SFMBT1: variants seen among roughly 807,000 people sequenced by gnomAD.
The protein encoded by SFMBT1 is scm-like with four MBT domains protein 1.
In SFMBT1, 32 loss-of-function variants were observed where a neutral mutation model predicts 108.7. That is an observed-to-expected ratio of 0.29 (90% CI 0.22 to 0.40). The LOEUF (loss-of-function observed/expected upper bound fraction) is 0.40. Ranked by LOEUF, SFMBT1 falls within the 10% of genes least tolerant of loss-of-function variation. SFMBT1 has a pLI of 1.00. For synonymous variants in SFMBT1, 348 were observed against 369.5 expected (o/e 0.94, Z 0.67); for missense variants, 816 against 1,059.6 (o/e 0.77, Z 3.19).
intron 14 of SFMBT1, 110 bp from the exon 15 acceptor site, chr3:52,913,727 TAA>T: frequency 8.5e-7 from 1 of 1,182,682 alleles, no homozygotes; most frequent in Non-Finnish European, 1.2e-6. Flanking sequence ...TATATTAATA[TAA>T]AGTTTGGAAT....
intron 8 of SFMBT1, among the ~76,000 whole-genome samples, chr3:52,928,694 AGTTT>A (rs1462187542): frequency 2.7e-5 from 4 of 147,580 alleles, no homozygotes; most frequent in East Asian, 2.0e-4. Flanking sequence ...ATATATATAT[AGTTT>A]GTTTGTTTTT....
chr3:52,907,010 T>C, intron 19 of SFMBT1, 59 bp downstream of exon 19: 1 of 1,544,826 alleles, frequency 6.5e-7, no homozygotes, highest in Non-Finnish European at 8.7e-7. Flanking sequence ...AATAATCATA[T>C]TCCAGATGGA....
At chr3:52,987,222 T>C (rs1704954530) in intron 1 of SFMBT1, among the ~76,000 whole-genome samples, 1 of 152,118 alleles carries the variant, frequency 6.6e-6, no homozygotes, top group South Asian at 2.1e-4. Context: ...AATTTTTTTT[T>C]AATAAATAAA....
intron 1 of SFMBT1, among the ~76,000 whole-genome samples, chr3:53,040,072 G>A (rs1005119153): frequency 2.0e-5 from 3 of 152,018 alleles, no homozygotes; most frequent in Non-Finnish European, 4.4e-5. Flanking sequence ...TTTTAACACA[G>A]AAAAAGCATA....
At chr3:52,936,005 T>C (rs760398948) in intron 4 of SFMBT1, among the ~76,000 whole-genome samples, 5 of 152,298 alleles carry the variant, frequency 3.3e-5, no homozygotes, top group Admixed American at 1.3e-4. Flanking sequence ...AGCTAGAAGC[T>C]TGATCAAATT....
chr3:53,024,273 G>T (rs780893235), intron 1 of SFMBT1, among the ~76,000 whole-genome samples: 1 of 151,132 alleles, frequency 6.6e-6, no homozygotes, highest in African/African-American at 2.5e-5. Context: ...TTTTAGATAC[G>T]CAGGTCACTG....
At chr3:53,042,342 T>C (rs925367692) in intron 1 of SFMBT1, among the ~76,000 whole-genome samples, 2 of 152,092 alleles carry the variant, frequency 1.3e-5, no homozygotes, top group Non-Finnish European at 2.9e-5. Context: ...TCATACTGGG[T>C]TGGTTGGTTT....
At chr3:52,941,728 C>G (rs1199675613) in intron 4 of SFMBT1, among the ~76,000 whole-genome samples, 1 of 151,250 alleles carries the variant, frequency 6.6e-6, no homozygotes, top group Non-Finnish European at 1.5e-5. Flanking sequence ...GAAACTCTGT[C>G]TCTACAAAAA....
At chr3:52,968,951 G>A (rs548529259) in intron 2 of SFMBT1, 150 bp downstream of exon 2, 1 of 859,232 alleles carries the variant, frequency 1.2e-6, no homozygotes, top group Admixed American at 2.3e-5. Flanking sequence ...CTAGTGCCAG[G>A]TTCTCTGAGA....
intron 8 of SFMBT1, 113 bp downstream of exon 8, chr3:52,930,216 C>A: frequency 1.5e-6 from 1 of 688,056 alleles, no homozygotes; most frequent in South Asian, 1.7e-5. Flanking sequence ...AGCTGCACGG[C>A]CTAGAAGGAA....
chr3:52,980,295 G>A (rs1325999929), intron 1 of SFMBT1, among the ~76,000 whole-genome samples: 1 of 151,986 alleles, frequency 6.6e-6, no homozygotes, highest in Non-Finnish European at 1.5e-5. Flanking sequence ...GCTATCTCCT[G>A]TTGCTATTGC....
At chr3:53,020,784 C>T (rs778250032) in intron 1 of SFMBT1, among the ~76,000 whole-genome samples, 1 of 152,050 alleles carries the variant, frequency 6.6e-6, no homozygotes, top group Non-Finnish European at 1.5e-5. Context: ...AGGCCGGGTA[C>T]GGTGGTTCAC....
chr3:52,967,898 C>A (rs562453514), intron 2 of SFMBT1, among the ~76,000 whole-genome samples: 32 of 152,290 alleles, frequency 2.1e-4, no homozygotes, highest in African/African-American at 7.7e-4. Flanking sequence ...CACAGCCACT[C>A]TGGAGCATAA....
At chr3:53,040,364 A>T (rs1403049699) in intron 1 of SFMBT1, among the ~76,000 whole-genome samples, 1 of 152,208 alleles carries the variant, frequency 6.6e-6, no homozygotes, top group Non-Finnish European at 1.5e-5. Flanking sequence ...GCATTTTAGT[A>T]ATTGCTAAAT....
chr3:52,936,207 A>G (rs887352814), intron 4 of SFMBT1, among the ~76,000 whole-genome samples: 2 of 152,212 alleles, frequency 1.3e-5, no homozygotes, highest in Admixed American at 6.5e-5. Context: ...TTCTAATTGT[A>G]TTATTCCTTC....
intron 5 of SFMBT1, among the ~76,000 whole-genome samples, chr3:52,932,862 G>A (rs1702897429): frequency 1.3e-5 from 2 of 152,152 alleles, no homozygotes; most frequent in Non-Finnish European, 2.9e-5. Context: ...GGTGAGCCAA[G>A]ATCATGCCAC....
At chr3:52,991,521 C>A (rs1271287056) in intron 1 of SFMBT1, among the ~76,000 whole-genome samples, 2 of 151,706 alleles carry the variant, frequency 1.3e-5, no homozygotes, top group Admixed American at 6.6e-5. Flanking sequence ...ATTTTTGTAT[C>A]TTTAGTAGAG....
rs573892270 is a variant in SFMBT1 at position 52,988,672 on chromosome 3, A to G, written c.-130-19414T>C. Among the ~76,000 whole-genome samples, 4 of 152,358 alleles carry G rather than the reference A, an allele frequency of 2.6e-5. No homozygotes were observed. The East Asian group carries it at 7.7e-4, about 29-fold the overall frequency. Reference sequence around the variant, plus strand: ...AAGTAAGTGCTTCCAAAAAAGGAGTAAATCTCTGGTTACTACTAGAGATGT... The same window carrying G: ...AAGTAAGTGCTTCCAAAAAAGGAGTGAATCTCTGGTTACTACTAGAGATGT... On this transcript the variant is annotated intron_variant, in intron 1 of 20. Transcript: ENST00000394752.
chr3:52,944,655 G>T (rs1703298759), intron 3 of SFMBT1, among the ~76,000 whole-genome samples: 1 of 151,884 alleles, frequency 6.6e-6, no homozygotes, highest in Non-Finnish European at 1.5e-5. Context: ...GAGTAGTTGG[G>T]GTTACAGGCG....
Sources: gnomAD v4.1 joint callset for allele counts (sites outside exome capture counted in the v4.1 genomes callset) on GRCh38, gnomAD v4.1.1 for gene constraint, MANE v1.5 for transcripts, NCBI Gene and HGNC (gene_info 2026-07-23, HGNC 2026-07-21) for gene names.